The following LIN9 variants were observed in gnomAD, a reference collection of about 807,000 sequenced individuals.
The protein encoded by LIN9 is lin-9 DREAM MuvB core complex component, also known as protein lin-9 homolog.
LIN9 carries 18 observed loss-of-function variants against 78.0 expected under a neutral mutation model. That is an observed-to-expected ratio of 0.23 (90% CI 0.16 to 0.34). The LOEUF (loss-of-function observed/expected upper bound fraction) is 0.34. Ranked by LOEUF, LIN9 falls within the 10% of genes least tolerant of loss-of-function variation. LIN9 has a pLI of 1.00. For missense variants in LIN9, 451 were observed against 644.1 expected, an observed-to-expected ratio of 0.70 and a Z score of 3.25; for synonymous variants, 192 against 215.2, an observed-to-expected ratio of 0.89 and a Z score of 0.94.
At chr1:226,272,841 A>G (rs1334469258) in intron 7 of LIN9, among the ~76,000 whole-genome samples, 1 of 152,176 alleles carries the variant, frequency 6.6e-6, no homozygotes, top group Non-Finnish European at 1.5e-5. Context: ...TGGATTACCA[A>G]TAAACAGTGT....
At chr1:226,268,401 G>A (rs1660061585) in intron 7 of LIN9, among the ~76,000 whole-genome samples, 1 of 152,130 alleles carries the variant, frequency 6.6e-6, no homozygotes, top group South Asian at 2.1e-4. Context: ...ATACTCATGA[G>A]TGAAGCACCA....
chr1:226,300,171 C>G (rs1322670177), intron 2 of LIN9, among the ~76,000 whole-genome samples: 2 of 152,094 alleles, frequency 1.3e-5, no homozygotes, highest in Non-Finnish European at 2.9e-5. Context: ...CTCCTGAGCT[C>G]AAGTGGTCCG....
chr1:226,254,950 G>T (rs1185477124), intron 10 of LIN9, among the ~76,000 whole-genome samples: 1 of 147,256 alleles, frequency 6.8e-6, no homozygotes, highest in Non-Finnish European at 1.5e-5. Context: ...ACACTTCTTA[G>T]ATCTCTAAGA....
At chr1:226,269,944 A>G (rs1660159480) in intron 7 of LIN9, among the ~76,000 whole-genome samples, 2 of 152,098 alleles carry the variant, frequency 1.3e-5, no homozygotes, top group South Asian at 4.1e-4. Context: ...TTATTTTGAG[A>G]TGGGAGTCTC....
intron 2 of LIN9, 94 bp downstream of exon 2, chr1:226,301,079 A>C: frequency 2.3e-6 from 2 of 865,476 alleles, no homozygotes; most frequent in Non-Finnish European, 3.5e-6. Flanking sequence ...ACAATGAATC[A>C]TAACTTAGAA....
chr1:226,263,324 A>C (rs1257107669), intron 10 of LIN9, among the ~76,000 whole-genome samples: 1 of 152,192 alleles, frequency 6.6e-6, no homozygotes, highest in Non-Finnish European at 1.5e-5. Flanking sequence ...TGACTGTAAC[A>C]AATGTACCAT....
At chr1:226,251,801 A>G (rs894127384) in intron 10 of LIN9, among the ~76,000 whole-genome samples, 32 of 152,376 alleles carry the variant, frequency 2.1e-4, no homozygotes, top group African/African-American at 7.2e-4. Context: ...GGCAATTTGC[A>G]GACCAGTAAG....
chr1:226,268,763 T>C (rs532549353), intron 7 of LIN9, among the ~76,000 whole-genome samples: 49 of 152,338 alleles, frequency 3.2e-4, no homozygotes, highest in Non-Finnish European at 6.0e-4. Context: ...ACAACACTTA[T>C]AAGCATTGTG....
intron 4 of LIN9, among the ~76,000 whole-genome samples, chr1:226,295,480 A>T (rs902616753): frequency 6.6e-6 from 1 of 151,412 alleles, no homozygotes; most frequent in African/African-American, 2.4e-5. Flanking sequence ...ACATATATAT[A>T]TATATTTTTT....
chr1:226,266,095 T>C (rs962815377), intron 9 of LIN9, 118 bp downstream of exon 9: 12 of 520,888 alleles, frequency 2.3e-5, no homozygotes, highest in Non-Finnish European at 3.4e-5. Context: ...ATTTAATATT[T>C]TCAATTCAAA....
chr1:226,281,440 TTTTAC>T (rs1274182258), intron 6 of LIN9, among the ~76,000 whole-genome samples: 7 of 152,164 alleles, frequency 4.6e-5, no homozygotes, highest in African/African-American at 1.7e-4. Context: ...TATTTTTTGT[TTTTAC>T]TTTGTTTTTT....
At chr1:226,305,026 C>T (rs947217540) in intron 1 of LIN9, among the ~76,000 whole-genome samples, 4 of 151,856 alleles carry the variant, frequency 2.6e-5, no homozygotes, top group African/African-American at 7.3e-5. Flanking sequence ...AAAAGTTAGC[C>T]GGGCTTGGTG....
At chr1:226,238,400 G>A (rs1657877476) in intron 12 of LIN9, among the ~76,000 whole-genome samples, 1 of 152,144 alleles carries the variant, frequency 6.6e-6, no homozygotes. Flanking sequence ...GAAGGCCAAG[G>A]TAGGAGGATC....
chr1:226,292,209 G>A lies in LIN9; in HGVS notation c.264+3633C>T, dbSNP rs1412737914. 3.3e-5 allele frequency among the ~76,000 whole-genome samples: 5 copies of A among 152,256 alleles called. No homozygotes were observed. In the South Asian group the frequency reaches 1.0e-3, roughly 32 times the overall value. ...AGGGTCTCACTCTGTCACCCAGGCT[G>A]GAGTGTAGTGGCGCAATTTCGGCTC... On this transcript the variant is annotated intron_variant, in intron 4 of 14. Coordinates refer to ENST00000681046, the MANE Select transcript of LIN9 (RefSeq NM_001366245.2).
chr1:226,235,176 G>T (rs533987494), intron 12 of LIN9, among the ~76,000 whole-genome samples: 26 of 151,674 alleles, frequency 1.7e-4, no homozygotes, highest in African/African-American at 6.1e-4. Flanking sequence ...ATAAAAATTA[G>T]CTGGGCATGG....
intron 11 of LIN9, among the ~76,000 whole-genome samples, chr1:226,250,346 A>G (rs1658754877): frequency 6.6e-6 from 1 of 152,156 alleles, no homozygotes; most frequent in South Asian, 2.1e-4. Flanking sequence ...TGCCATTACA[A>G]CTTCCTTGGT....
At chr1:226,289,947 G>C (rs958568374) in intron 4 of LIN9, among the ~76,000 whole-genome samples, 18 of 146,712 alleles carry the variant, frequency 1.2e-4, no homozygotes, top group African/African-American at 4.5e-4. Context: ...TGAAATATGA[G>C]AGAATTCTAA....
intron 2 of LIN9, among the ~76,000 whole-genome samples, chr1:226,299,926 C>CTT (rs568117487): frequency 8.8e-5 from 12 of 136,866 alleles, no homozygotes; most frequent in East Asian, 6.3e-4. Flanking sequence ...AAGCAAGATT[C>CTT]TTTTTTTTTT....
At chr1:226,256,949 A>C (rs189953958) in intron 10 of LIN9, among the ~76,000 whole-genome samples, 1 of 151,604 alleles carries the variant, frequency 6.6e-6, no homozygotes, top group East Asian at 2.0e-4. Flanking sequence ...GCCTTGTAAG[A>C]AATGATTTTT....
Sources: allele counts gnomAD v4.1 joint callset (sites outside exome capture counted in the v4.1 genomes callset), GRCh38; gene constraint gnomAD v4.1.1; transcripts MANE v1.5; gene names NCBI Gene and HGNC (gene_info 2026-07-23, HGNC 2026-07-21).